The following XKR4 variants were observed in gnomAD, a reference collection of about 807,000 sequenced individuals.
The protein encoded by XKR4 is XK-related protein 4.
A neutral mutation model predicts 53.9 loss-of-function variants in XKR4; 12 were observed. The ratio of observed to expected loss-of-function variants is 0.22; its 90% CI spans 0.14 to 0.36. The LOEUF (loss-of-function observed/expected upper bound fraction) is 0.36. Among genes scored for constraint, XKR4 ranks in the 10% least tolerant of loss-of-function variants. The pLI, the probability that XKR4 is intolerant of heterozygous loss-of-function variation, is 1.00. For missense variants in XKR4, 799 were observed against 859.5 expected, an observed-to-expected ratio of 0.93 and a Z score of 0.88; for synonymous variants, 354 against 362.4, an observed-to-expected ratio of 0.98 and a Z score of 0.26.
chr8:55,240,748 A>G (rs1215414997), intron 1 of XKR4, among the ~76,000 whole-genome samples: 1 of 152,228 alleles, frequency 6.6e-6, no homozygotes, highest in Non-Finnish European at 1.5e-5. Context: ...TAAGTAAATT[A>G]TCATTTCACA....
At chr8:55,286,461 G>C (rs1818907745) in intron 1 of XKR4, among the ~76,000 whole-genome samples, 1 of 152,180 alleles carries the variant, frequency 6.6e-6, no homozygotes. Flanking sequence ...CTTTGGTCTG[G>C]AGTACTGGGT....
chr8:55,130,215 T>C (rs1816534651), intron 1 of XKR4, among the ~76,000 whole-genome samples: 1 of 149,390 alleles, frequency 6.7e-6, no homozygotes. Flanking sequence ...AATAAATAGG[T>C]AATATGTCAG....
At chr8:55,407,920 A>G (rs532679982) in intron 2 of XKR4, among the ~76,000 whole-genome samples, 30 of 152,242 alleles carry the variant, frequency 2.0e-4, no homozygotes, top group African/African-American at 7.2e-4. Flanking sequence ...TAAAGAGACC[A>G]TGAAACTAGG....
At chr8:55,325,936 A>G (rs1298565943) in intron 1 of XKR4, among the ~76,000 whole-genome samples, 1 of 152,254 alleles carries the variant, frequency 6.6e-6, no homozygotes, top group Non-Finnish European at 1.5e-5. Context: ...ACTGTTATAT[A>G]AGGTGGAATA....
At chr8:55,267,923 A>G (rs541812412) in intron 1 of XKR4, among the ~76,000 whole-genome samples, 4 of 152,306 alleles carry the variant, frequency 2.6e-5, no homozygotes, top group South Asian at 2.1e-4. Flanking sequence ...GTGGTGATGT[A>G]TAAACTGAGC....
intron 1 of XKR4, among the ~76,000 whole-genome samples, chr8:55,331,547 T>G (rs2129380777): frequency 6.6e-6 from 1 of 152,290 alleles, no homozygotes; most frequent in South Asian, 2.1e-4. Context: ...GGTCAGGTAT[T>G]GAAGTCTCCA....
chr8:55,174,233 A>G (rs1193444392), intron 1 of XKR4, among the ~76,000 whole-genome samples: 4 of 152,178 alleles, frequency 2.6e-5, no homozygotes, highest in Non-Finnish European at 1.5e-5. Context: ...GGAACACTGA[A>G]AAAATATCTT....
intron 2 of XKR4, among the ~76,000 whole-genome samples, chr8:55,410,249 C>A (rs1187068325): frequency 6.6e-6 from 1 of 152,156 alleles, no homozygotes; most frequent in African/African-American, 2.4e-5. Context: ...CTCCAATCGG[C>A]CTCATCCTTG....
intron 2 of XKR4, among the ~76,000 whole-genome samples, chr8:55,422,633 A>C (rs1034251520): frequency 2.0e-5 from 3 of 152,106 alleles, no homozygotes; most frequent in Admixed American, 6.6e-5. Context: ...GTAGGCTGGA[A>C]TCACGTGAAA....
intron 1 of XKR4, among the ~76,000 whole-genome samples, chr8:55,221,312 G>T (rs572820316): frequency 1.3e-5 from 2 of 152,200 alleles, no homozygotes; most frequent in Non-Finnish European, 2.9e-5. Flanking sequence ...CTCTAAAGAG[G>T]TGTGGTAAAA....
intron 1 of XKR4, among the ~76,000 whole-genome samples, chr8:55,136,010 C>T (rs190130476): frequency 8.5e-5 from 13 of 152,122 alleles, no homozygotes; most frequent in Admixed American, 7.8e-4. Flanking sequence ...GCTCCCACCT[C>T]AGTCTCCCAA....
chr8:55,389,356 A>G (rs964333543), intron 2 of XKR4, among the ~76,000 whole-genome samples: 4 of 152,214 alleles, frequency 2.6e-5, no homozygotes, highest in Non-Finnish European at 4.4e-5. Flanking sequence ...GCTAGCTAAT[A>G]TGTCACTCCA....
At chr8:55,483,350 T>C (rs551999380) in intron 2 of XKR4, among the ~76,000 whole-genome samples, 21 of 152,300 alleles carry the variant, frequency 1.4e-4, no homozygotes, top group South Asian at 4.1e-4. Context: ...AATGTGGTCA[T>C]CCAAGAATTT....
chr8:55,141,279 C>T (rs1265645751), intron 1 of XKR4, among the ~76,000 whole-genome samples: 2 of 152,076 alleles, frequency 1.3e-5, no homozygotes, highest in African/African-American at 4.8e-5. Flanking sequence ...CTGCCTCCAG[C>T]CCCCTCTCCA....
chr8:55,185,659 C>T (rs1817367297), intron 1 of XKR4, among the ~76,000 whole-genome samples: 2 of 152,206 alleles, frequency 1.3e-5, no homozygotes, highest in African/African-American at 4.8e-5. Flanking sequence ...GGCTTGCCAT[C>T]ACTTTCTATA....
intron 1 of XKR4, among the ~76,000 whole-genome samples, chr8:55,109,580 G>A (rs111500643): frequency 4.2e-4 from 64 of 151,390 alleles, no homozygotes; most frequent in African/African-American, 1.5e-3. Flanking sequence ...TGTATGAATT[G>A]GAATAATTTA....
intron 2 of XKR4, among the ~76,000 whole-genome samples, chr8:55,417,953 G>T (rs1804873231): frequency 6.6e-6 from 1 of 152,156 alleles, no homozygotes; most frequent in African/African-American, 2.4e-5. Context: ...CCCACAGAAG[G>T]TGTCTTAAGG....
chr8:55,145,969 G>A (rs1816768730), intron 1 of XKR4, among the ~76,000 whole-genome samples: 1 of 152,200 alleles, frequency 6.6e-6, no homozygotes, highest in African/African-American at 2.4e-5. Flanking sequence ...GGTTCATGTG[G>A]TAATGTAGAC....
chr8:55,516,937 T>C (rs923752481), intron 2 of XKR4, among the ~76,000 whole-genome samples: 1 of 152,166 alleles, frequency 6.6e-6, no homozygotes, highest in African/African-American at 2.4e-5. Flanking sequence ...GGAAATACCA[T>C]GCAGGCATAA....
Sources: allele counts gnomAD v4.1 joint callset (sites outside exome capture counted in the v4.1 genomes callset), GRCh38; gene constraint gnomAD v4.1.1; transcripts MANE v1.5; gene names NCBI Gene and HGNC (gene_info 2026-07-23, HGNC 2026-07-21).